Variants in SPAG16 observed in about 807,000 individuals in gnomAD.
SPAG16 encodes sperm associated antigen 16.
A neutral mutation model predicts 80.4 loss-of-function variants in SPAG16; 86 were observed. That is an observed-to-expected ratio of 1.07 (90% CI 0.90 to 1.28). SPAG16 has a LOEUF of 1.28. Ranked by LOEUF, SPAG16 falls within the 50% of genes most tolerant of loss-of-function variation. SPAG16 has a pLI of 0.00. For missense variants in SPAG16, 870 were observed against 765.3 expected, an observed-to-expected ratio of 1.14 and a Z score of -1.61; for synonymous variants, 294 against 265.9, an observed-to-expected ratio of 1.11 and a Z score of -1.03.
intron 15 of SPAG16, among the ~76,000 whole-genome samples, chr2:214,262,029 C>G (rs1296208203): frequency 6.6e-6 from 1 of 152,038 alleles, no homozygotes; most frequent in Admixed American, 6.6e-5. Context: ...TTAGACCTTA[C>G]AGTTTAATAT....
chr2:213,702,491 C>T (rs1051356413), intron 10 of SPAG16, among the ~76,000 whole-genome samples: 17 of 152,210 alleles, frequency 1.1e-4, no homozygotes, highest in African/African-American at 3.1e-4. Flanking sequence ...ACAAACAACT[C>T]CAGCCACACC....
chr2:214,145,511 A>C (rs2125553519), intron 14 of SPAG16, among the ~76,000 whole-genome samples: 1 of 152,226 alleles, frequency 6.6e-6, no homozygotes, highest in East Asian at 1.9e-4. Flanking sequence ...TCTCTTATAA[A>C]TTCTCAGCAG....
chr2:213,487,546 T>C (rs1349042628), intron 9 of SPAG16, among the ~76,000 whole-genome samples: 1 of 152,108 alleles, frequency 6.6e-6, no homozygotes, highest in Admixed American at 6.5e-5. Context: ...CCTCTGCAAG[T>C]GAATCTATGC....
chr2:214,292,242 A>C (rs183544980), intron 15 of SPAG16, among the ~76,000 whole-genome samples: 19 of 152,242 alleles, frequency 1.2e-4, no homozygotes, highest in Admixed American at 3.9e-4. Flanking sequence ...TTGGTATTGT[A>C]GCTGTTTGGG....
At chr2:213,284,718 G>A (rs747753351) in intron 1 of SPAG16, 99 bp downstream of exon 1, 3 of 1,451,564 alleles carry the variant, frequency 2.1e-6, no homozygotes, top group Non-Finnish European at 1.8e-6. Flanking sequence ...TGAGCCTTGG[G>A]GCCACTCCGG....
At chr2:213,396,610 A>C (rs1181128504) in intron 9 of SPAG16, 11 of 455,414 alleles carry the variant, frequency 2.4e-5, no homozygotes, top group Non-Finnish European at 3.5e-5. Flanking sequence ...GGGAACTCTC[A>C]AACTTGGAAT....
At chr2:213,693,267 A>C (rs1388705228) in intron 10 of SPAG16, among the ~76,000 whole-genome samples, 1 of 152,234 alleles carries the variant, frequency 6.6e-6, no homozygotes, top group African/African-American at 2.4e-5. Context: ...CCTAACTGCC[A>C]GGGTGCTTAG....
intron 14 of SPAG16, among the ~76,000 whole-genome samples, chr2:214,137,261 C>T (rs2055104994): frequency 6.6e-6 from 1 of 151,968 alleles, no homozygotes; most frequent in Non-Finnish European, 1.5e-5. Flanking sequence ...ATTTTGCATG[C>T]TGCTATTTTC....
rs79783691 is a variant in SPAG16 at position 214,287,340 on chromosome 2, T to A, written c.1721-122800T>A. Among the ~76,000 whole-genome samples, 420 of 152,342 alleles carry A rather than the reference T, an allele frequency of 2.8e-3. 3 individuals are homozygous for A. The highest frequency in any genetic ancestry group is 9.7e-3 in the African/African-American group (404 of 41,588). ...AGTGATTTCCTTCTGTATCCCATTA[T>A]AGAAATGGCATCATGAAATAAAATA... On this transcript the variant is annotated intron_variant, in intron 15 of 15. Transcript: ENST00000331683.
chr2:213,472,576 C>A (rs191674091), intron 9 of SPAG16, among the ~76,000 whole-genome samples: 2 of 152,180 alleles, frequency 1.3e-5, no homozygotes, highest in Non-Finnish European at 2.9e-5. Flanking sequence ...GCTCTAATGA[C>A]TTCCATTTGG....
At chr2:214,314,960 A>T (rs77909184) in intron 15 of SPAG16, among the ~76,000 whole-genome samples, 28 of 86,380 alleles carry the variant, frequency 3.2e-4, no homozygotes, top group Non-Finnish European at 5.2e-4. Flanking sequence ...ATACTGTATT[A>T]AAAAAAAAAA....
At chr2:213,780,318 A>G (rs2069862657) in intron 10 of SPAG16, among the ~76,000 whole-genome samples, 1 of 152,230 alleles carries the variant, frequency 6.6e-6, no homozygotes, top group South Asian at 2.1e-4. Flanking sequence ...CTTAAGGGTA[A>G]CTGTTGCACT....
chr2:214,269,444 C>G (rs975708828), intron 15 of SPAG16, among the ~76,000 whole-genome samples: 1 of 151,892 alleles, frequency 6.6e-6, no homozygotes, highest in Non-Finnish European at 1.5e-5. Context: ...TGTGTGCACA[C>G]TAATGTGTGT....
intron 14 of SPAG16, among the ~76,000 whole-genome samples, chr2:214,140,208 T>A (rs999137587): frequency 1.3e-5 from 2 of 150,488 alleles, no homozygotes; most frequent in African/African-American, 4.9e-5. Context: ...TTCTCTCTCT[T>A]TTTTTTTTGT....
intron 13 of SPAG16, among the ~76,000 whole-genome samples, chr2:214,053,024 A>T (rs1315012804): frequency 2.6e-5 from 4 of 152,170 alleles, no homozygotes; most frequent in Non-Finnish European, 5.9e-5. Flanking sequence ...CCACTACTCA[A>T]ATATTCTGTA....
intron 10 of SPAG16, among the ~76,000 whole-genome samples, chr2:213,776,670 G>T (rs2069598383): frequency 6.6e-6 from 1 of 151,904 alleles, no homozygotes; most frequent in African/African-American, 2.4e-5. Flanking sequence ...AGTTCGCTAG[G>T]TTAGTTTTAT....
intron 10 of SPAG16, among the ~76,000 whole-genome samples, chr2:213,744,766 T>G (rs572825946): frequency 6.6e-6 from 1 of 152,344 alleles, no homozygotes; most frequent in South Asian, 2.1e-4. Flanking sequence ...CATTTCACAC[T>G]GCAACTGGAT....
intron 15 of SPAG16, among the ~76,000 whole-genome samples, chr2:214,364,959 A>C (rs1329823583): frequency 1.3e-5 from 2 of 152,190 alleles, no homozygotes; most frequent in Admixed American, 1.3e-4. Flanking sequence ...AAGCCTGCAA[A>C]GGCTATTGGA....
At chr2:214,188,092 C>T (rs1032197074) in intron 15 of SPAG16, among the ~76,000 whole-genome samples, 2 of 152,078 alleles carry the variant, frequency 1.3e-5, no homozygotes, top group Non-Finnish European at 2.9e-5. Context: ...CCCATATCAT[C>T]CCTTTCTTTG....
Sources: gnomAD v4.1 joint callset for allele counts (sites outside exome capture counted in the v4.1 genomes callset) on GRCh38, gnomAD v4.1.1 for gene constraint, MANE v1.5 for transcripts, NCBI Gene and HGNC (gene_info 2026-07-23, HGNC 2026-07-21) for gene names.